SBNO2: variants seen among roughly 807,000 people sequenced by gnomAD.
The protein encoded by SBNO2 is strawberry notch homolog 2.
A neutral mutation model predicts 146.3 loss-of-function variants in SBNO2; 89 were observed. The observed-to-expected ratio is 0.61, with a 90% CI of 0.51 to 0.73. The LOEUF (loss-of-function observed/expected upper bound fraction) is 0.73. Ranked by LOEUF, SBNO2 falls within the 30% of genes least tolerant of loss-of-function variation. The pLI is 0.00. For synonymous variants in SBNO2, 1,147 were observed against 892.6 expected (o/e 1.29, Z -5.08); for missense variants, 2,092 against 2,003.7 (o/e 1.04, Z -0.84).
At position 1,110,939 on chromosome 19, in the gene SBNO2, T is replaced by A; in HGVS notation, c.2885-51A>T. The A allele has an allele frequency of 6.2e-7, 1 of 1,610,954 alleles. No individual in the cohort carries two copies. The highest frequency in any genetic ancestry group is 1.7e-5 in the Admixed American group (1 of 59,962). ...AGGCTGCGCTGGGAATCCCTCTCCC[T>A]GCTTTGCTCACCACCCGAGGCCAAG... On this transcript the variant is annotated intron_variant, in intron 25 of 31. Coordinates refer to ENST00000361757, the MANE Select transcript of SBNO2 (RefSeq NM_014963.3). This position sits in a 1 kb window ranked among gnomAD's most constrained non-coding sequence, Gnocchi z 4.9.
At chr19:1,138,818 G>A (rs2145273886) in intron 4 of SBNO2, among the ~76,000 whole-genome samples, 1 of 148,500 alleles carries the variant, frequency 6.7e-6, no homozygotes, top group South Asian at 2.1e-4. Flanking sequence ...ATCACGGACA[G>A]ACACAGTTGG....
intron 1 of SBNO2, among the ~76,000 whole-genome samples, chr19:1,172,256 G>A (rs2080485119): frequency 6.6e-6 from 1 of 152,182 alleles, no homozygotes; most frequent in East Asian, 1.9e-4. Flanking sequence ...CCTGCCGTGG[G>A]AGGCCCTGAG....
In SBNO2 at chr19:1,113,515, A is replaced by G. The variant is rs1357226511; in HGVS notation, c.2247+20T>C. The G allele has an allele frequency of 6.4e-7, 1 of 1,572,486 alleles. No individual in the cohort carries two copies. Among genetic ancestry groups the G allele is most frequent in the Non-Finnish European group, 8.6e-7 (1 of 1,160,208 alleles). ...GCCCATGCCCCGCCCACCACACTCC[A>G]GCTGCCACGTCCCACCCACCTCCGC... On this transcript the variant is annotated intron_variant, in intron 19 of 31. Transcript: ENST00000361757.
chr19:1,156,189 C>G (rs923198531), intron 1 of SBNO2, among the ~76,000 whole-genome samples: 1 of 152,170 alleles, frequency 6.6e-6, no homozygotes, highest in Non-Finnish European at 1.5e-5. Context: ...CTCCTGGCAG[C>G]TCCTCCCTCC....
intron 3 of SBNO2, among the ~76,000 whole-genome samples, chr19:1,147,633 C>T (rs1036336933): frequency 6.6e-6 from 1 of 151,986 alleles, no homozygotes; most frequent in Admixed American, 6.5e-5. Context: ...CCCCACTGGA[C>T]ACAGCCCGGC....
At position 1,112,468 on chromosome 19, in the gene SBNO2, G is replaced by A; in HGVS notation, c.2449C>T (p.Gln817Ter). The A allele has an allele frequency of 6.2e-7, 1 of 1,608,116 alleles. No individual in the cohort carries two copies. The highest frequency in any genetic ancestry group is 8.5e-7 in the Non-Finnish European group (1 of 1,178,780). Residue 817 changes from glutamine (Q) to a stop codon, truncating the protein, a stop_gained, in exon 21 of 32, where the codon CAG becomes TAG. Transcript: ENST00000361757. LOFTEE classifies it high-confidence loss of function. The surrounding 1 kb of genome is among the most constrained non-coding windows in gnomAD (Gnocchi z 5.9). ...AAGGTCATGTGCACGCGGCGCCGCTGGTTCTGGACACGGCGGTCGGCTTGG... is the reference window on the plus strand; with the variant it reads ...AAGGTCATGTGCACGCGGCGCCGCTAGTTCTGGACACGGCGGTCGGCTTGG... ...SLQADRRVQN[Q>*]RRRVHMTLEL...
At chr19:1,149,142 T>G (rs1320111406) in intron 3 of SBNO2, among the ~76,000 whole-genome samples, 1 of 141,300 alleles carries the variant, frequency 7.1e-6, no homozygotes, top group African/African-American at 2.7e-5. Flanking sequence ...CAAGCTGGGC[T>G]CTCGAGGAGA....
chr19:1,124,392 GGA>G (rs2079941468), intron 5 of SBNO2, among the ~76,000 whole-genome samples: 1 of 152,210 alleles, frequency 6.6e-6, no homozygotes, highest in Non-Finnish European at 1.5e-5. Context: ...GGGTCTGACA[GGA>G]GAGACCCACT....
chr19:1,130,430 T>G (rs2080015599), intron 4 of SBNO2, among the ~76,000 whole-genome samples: 1 of 152,092 alleles, frequency 6.6e-6, no homozygotes, highest in South Asian at 2.1e-4. Flanking sequence ...TGGTCGAGGC[T>G]GCAGTGAGCT....
intron 4 of SBNO2, among the ~76,000 whole-genome samples, chr19:1,139,341 T>C (rs1288903825): frequency 6.6e-6 from 1 of 150,574 alleles, no homozygotes; most frequent in Non-Finnish European, 1.5e-5. Context: ...AGGGGAGGGA[T>C]GGGGAGTGAC....
At chr19:1,153,524 C>A (rs2080261604) in intron 2 of SBNO2, among the ~76,000 whole-genome samples, 1 of 151,782 alleles carries the variant, frequency 6.6e-6, no homozygotes, top group Non-Finnish European at 1.5e-5. Context: ...CAGGCGTGAG[C>A]CACCGTGCCA....
rs868090345 is a variant in SBNO2 at position 1,172,789 on chromosome 19, C to A, written c.-127+1383G>T. On this transcript the variant is annotated intron_variant, in intron 1 of 31. Coordinates refer to ENST00000361757, the MANE Select transcript of SBNO2 (RefSeq NM_014963.3). Reference sequence around the variant, plus strand: ...CACTCACTGCAACCGCCCCCCCCGCCCCGGCAAACTGGCAGCCAGCATCAG... The same window carrying A: ...CACTCACTGCAACCGCCCCCCCCGCACCGGCAAACTGGCAGCCAGCATCAG... 3.9e-5 allele frequency among the ~76,000 whole-genome samples: 4 copies of A among 101,712 alleles called. 1 individual carries two copies. Among genetic ancestry groups the A allele is most frequent in the African/African-American group, 1.0e-4 (2 of 19,824 alleles). 66.7% of individuals were successfully genotyped at this position (101,712 alleles called of 152,430 possible). A position where few individuals can be genotyped will look rare whatever the true frequency, so the allele number is the denominator to read the frequency against.
chr19:1,120,230 T>A (rs1181539151), intron 11 of SBNO2: 1 of 582,086 alleles, frequency 1.7e-6, no homozygotes, highest in East Asian at 2.8e-5. Context: ...ATTAGATGGG[T>A]GTGGCCTGGG....
At position 1,119,959 on chromosome 19, in the gene SBNO2, A is replaced by C. The variant is rs1429145553; in HGVS notation, c.1214T>G (p.Leu405Arg). The C allele has an allele frequency of 6.4e-7, 1 of 1,550,764 alleles. No individual in the cohort carries two copies. The highest frequency in any genetic ancestry group is 2.0e-5 in the Admixed American group (1 of 51,044). The change falls in exon 12 of 32, where the codon CTA becomes CGA. Residue 405 changes from leucine to arginine, a missense_variant. Coordinates refer to ENST00000361757, the MANE Select transcript of SBNO2 (RefSeq NM_014963.3). Reference sequence around the variant, plus strand: ...CAGGGGCAGCTTGTTCTGCAGGTCTAGCACAGCCTTGCCCATCTTGGTGGA... The same window carrying C: ...CAGGGGCAGCTTGTTCTGCAGGTCTCGCACAGCCTTGCCCATCTTGGTGGA... The part of the protein sequence containing the change: ...AGSTKMGKAV[L>R]DLQNKLPLAR...
Position 1,114,252 on chromosome 19 carries a change from C to T in SBNO2, c.2056G>A (p.Gly686Arg), listed in dbSNP as rs763759587. 1.6e-5 allele frequency: 25 copies of T among 1,532,466 alleles called. No individual in the cohort carries two copies. The highest frequency in any genetic ancestry group is 4.2e-5 in the African/African-American group (3 of 72,046). 94.9% of individuals were successfully genotyped at this position (1,532,466 alleles called of 1,614,324 possible). A position where few individuals can be genotyped will look rare whatever the true frequency, so the allele number is the denominator to read the frequency against. ...TCACCCCGGTCGTCACTGGGGAGCCCGACTGCATCAACGATGACAACGTCG... is the reference window on the plus strand; with the variant it reads ...TCACCCCGGTCGTCACTGGGGAGCCTGACTGCATCAACGATGACAACGTCG... ...DDDVVIVDAV[G>R]LPSDDRGPLC... The change falls in exon 18 of 32, where the codon GGG becomes AGG. Residue 686 changes from glycine to arginine, a missense_variant. Physicochemically the swap from Gly to Arg is moderately radical, Grantham distance 125. Coordinates refer to ENST00000361757, the MANE Select transcript of SBNO2 (RefSeq NM_014963.3).
rs1218000499 is a variant in SBNO2 at position 1,140,860 on chromosome 19, G to C, written c.279+6449C>G. On this transcript the variant is annotated intron_variant, in intron 4 of 31. Coordinates refer to ENST00000361757, the MANE Select transcript of SBNO2 (RefSeq NM_014963.3). The surrounding 1 kb of genome is among the most constrained non-coding windows in gnomAD (Gnocchi z 4.4). ...ACCCCGTCCCCGCCAAGCGGCCAAA[G>C]TTACCAGCATCAGCACAACACGCGC... Among the ~76,000 whole-genome samples, 1 of 152,158 alleles carries C rather than the reference G, an allele frequency of 6.6e-6. No individual in the cohort carries two copies. Among genetic ancestry groups the C allele is most frequent in the Non-Finnish European group, 1.5e-5 (1 of 68,026 alleles).
chr19:1,154,334 C>G lies in SBNO2; in HGVS notation c.-58G>C, dbSNP rs2080269403. ...GCAGCAGGCGGCGGGACTCCAGGAC[C>G]CGGGGCCGCCGGGGCGTCTATCTGG... is the stretch of plus-strand genomic sequence containing the variant. On this transcript the variant is annotated 5_prime_UTR_variant, in exon 2 of 32. Coordinates refer to ENST00000361757, the MANE Select transcript of SBNO2 (RefSeq NM_014963.3). 3.2e-6 allele frequency: 3 copies of G among 928,500 alleles called. No homozygotes were observed. Among genetic ancestry groups the G allele is most frequent in the African/African-American group, 1.7e-5 (1 of 58,410 alleles). 57.5% of individuals were successfully genotyped at this position (928,500 alleles called of 1,614,324 possible). A position where few individuals can be genotyped will look rare whatever the true frequency, so the allele number is the denominator to read the frequency against.
chr19:1,112,631 AC>A lies in SBNO2; in HGVS notation c.2380-95del. ...ACCCACTAGGCCCCCGCTCCAGGTC[AC>A]CAGGACGTCCCGGGGCAGCGAGAGG... On this transcript the variant is annotated intron_variant, in intron 20 of 31. Transcript: ENST00000361757. The surrounding 1 kb of genome is among the most constrained non-coding windows in gnomAD (Gnocchi z 5.9). 6.8e-7 allele frequency: 1 copy of A among 1,468,042 alleles called. No individual in the cohort carries two copies. Among genetic ancestry groups the A allele is most frequent in the East Asian group, 2.5e-5 (1 of 40,334 alleles). The allele number at this position is 1,468,042 out of a possible 1,614,324, so 90.9% of individuals were successfully genotyped here. A position where few individuals can be genotyped will look rare whatever the true frequency, so the allele number is the denominator to read the frequency against.
At chr19:1,160,131 G>T (rs536000246) in intron 1 of SBNO2, among the ~76,000 whole-genome samples, 10 of 152,168 alleles carry the variant, frequency 6.6e-5, no homozygotes, top group Admixed American at 5.9e-4. Flanking sequence ...GGCAGCTTGC[G>T]CCTGGCACCT....
Sources: gnomAD v4.1 joint callset for allele counts (sites outside exome capture counted in the v4.1 genomes callset) on GRCh38, gnomAD v4.1.1 for gene constraint, Gnocchi (gnomAD v3.1) non-coding constraint, MANE v1.5 for transcripts, NCBI Gene and HGNC (gene_info 2026-07-23, HGNC 2026-07-21) for gene names.